NGEF: variants seen among roughly 807,000 people sequenced by gnomAD.
NGEF encodes neuronal guanine nucleotide exchange factor.
Under a neutral mutation model 80.9 loss-of-function variants are expected in NGEF, and 31 were observed. The ratio of observed to expected loss-of-function variants is 0.38; its 90% CI spans 0.29 to 0.52. NGEF has a LOEUF of 0.52. Among genes scored for constraint, NGEF ranks in the 20% least tolerant of loss-of-function variants. NGEF has a pLI of 0.84. For synonymous variants in NGEF, 371 were observed against 370.2 expected (o/e 1.00, Z -0.03); for missense variants, 709 against 926.2 (o/e 0.77, Z 3.04).
At chr2:232,927,816 CCGGGA>C in intron 3 of NGEF, 1 of 1,001,450 alleles carries the variant, frequency 1.0e-6, no homozygotes, top group Non-Finnish European at 1.3e-6. Context: ...CAGGGGGTGC[CCGGGA>C]CCCCGGGCGC....
At chr2:232,940,972 T>C (rs1424916889) in intron 3 of NGEF, among the ~76,000 whole-genome samples, 1 of 152,210 alleles carries the variant, frequency 6.6e-6, no homozygotes, top group African/African-American at 2.4e-5. Context: ...GAAAGAGTAA[T>C]TCACGCAGAG....
intron 1 of NGEF, among the ~76,000 whole-genome samples, chr2:232,991,321 G>C (rs1694645040): frequency 6.8e-6 from 1 of 147,674 alleles, no homozygotes; most frequent in Non-Finnish European, 1.5e-5. Flanking sequence ...CTTGTATATA[G>C]AAAATTCTAA....
At chr2:232,951,129 C>A (rs1693671913) in intron 3 of NGEF, among the ~76,000 whole-genome samples, 2 of 152,282 alleles carry the variant, frequency 1.3e-5, no homozygotes, top group African/African-American at 2.4e-5. Flanking sequence ...GCCACTGCCC[C>A]ATTTTGTGAG....
Position 232,954,500 on chromosome 2 carries a change from C to T in NGEF, c.383+15714G>A, listed in dbSNP as rs537931970. On this transcript the variant is annotated intron_variant, in intron 3 of 14. Coordinates refer to ENST00000264051, the MANE Select transcript of NGEF (RefSeq NM_019850.3). ...CAGCATTTTGGGAGGCTGAGGCAGG[C>T]GGATCGTGAAATCAGGAGATCGAGA... Among the ~76,000 whole-genome samples, 8 of 151,988 alleles carry T rather than the reference C, an allele frequency of 5.3e-5. No individual in the cohort carries two copies. In the East Asian group the frequency reaches 7.8e-4, roughly 15 times the overall value.
At chr2:232,985,975 G>A (rs1329212099) in intron 1 of NGEF, among the ~76,000 whole-genome samples, 1 of 151,704 alleles carries the variant, frequency 6.6e-6, no homozygotes, top group East Asian at 1.9e-4. Context: ...AAAGAATTCA[G>A]TTTATGGCAG....
At chr2:232,914,829 C>T (rs1321222502) in intron 5 of NGEF, among the ~76,000 whole-genome samples, 2 of 151,838 alleles carry the variant, frequency 1.3e-5, no homozygotes, top group African/African-American at 4.8e-5. Flanking sequence ...CCAGCCTGAC[C>T]AACATGGTGA....
At chr2:232,887,335 T>C (rs1691725630) in intron 9 of NGEF, among the ~76,000 whole-genome samples, 1 of 152,110 alleles carries the variant, frequency 6.6e-6, no homozygotes, top group Non-Finnish European at 1.5e-5. Flanking sequence ...GCAAAACCCC[T>C]GCTCTGCTGC....
intron 6 of NGEF, chr2:232,894,554 C>T (rs969929491): frequency 2.6e-5 from 12 of 468,362 alleles, no homozygotes; most frequent in African/African-American, 1.3e-4. Context: ...GAAGGGACGC[C>T]GGGGGACGTG....
intron 5 of NGEF, among the ~76,000 whole-genome samples, chr2:232,900,388 ACAGT>A (rs1413522807): frequency 1.2e-5 from 1 of 84,924 alleles, no homozygotes; most frequent in African/African-American, 4.5e-5. Context: ...ACACGCTCTC[ACAGT>A]CACTCATATA....
chr2:232,917,248 TA>T (rs1226310096), intron 5 of NGEF, among the ~76,000 whole-genome samples: 3 of 152,214 alleles, frequency 2.0e-5, no homozygotes, highest in African/African-American at 7.2e-5. Flanking sequence ...GAAAACACTG[TA>T]AAAATCTATA....
intron 5 of NGEF, among the ~76,000 whole-genome samples, chr2:232,897,623 A>C (rs1692141705): frequency 6.6e-6 from 1 of 152,170 alleles, no homozygotes; most frequent in African/African-American, 2.4e-5. Flanking sequence ...CCCCACAGAG[A>C]GTTCACATTG....
chr2:232,958,717 C>T (rs560634840), intron 3 of NGEF, among the ~76,000 whole-genome samples: 1 of 152,068 alleles, frequency 6.6e-6, no homozygotes, highest in South Asian at 2.1e-4. Flanking sequence ...TTTTAAAAAA[C>T]AAGCTTTAAA....
intron 3 of NGEF, chr2:232,928,254 C>A: frequency 1.3e-6 from 1 of 752,524 alleles, no homozygotes. Context: ...GGCGGCGGGG[C>A]GGGGGCGCCC....
chr2:232,975,663 C>T (rs950652980), intron 1 of NGEF, among the ~76,000 whole-genome samples: 6 of 152,094 alleles, frequency 3.9e-5, no homozygotes, highest in African/African-American at 1.4e-4. Flanking sequence ...CCTCCCTCCC[C>T]ACAAAGACCT....
At chr2:232,989,089 T>C (rs184397049) in intron 1 of NGEF, among the ~76,000 whole-genome samples, 1 of 152,192 alleles carries the variant, frequency 6.6e-6, no homozygotes, top group East Asian at 1.9e-4. Context: ...GGAGCCTGGA[T>C]AGTTGGGGAG....
At chr2:232,884,729 G>T (rs1316907546) in intron 10 of NGEF, among the ~76,000 whole-genome samples, 2 of 152,214 alleles carry the variant, frequency 1.3e-5, no homozygotes. Flanking sequence ...GAGCTACATG[G>T]GACGCCCAGA....
intron 5 of NGEF, among the ~76,000 whole-genome samples, chr2:232,903,832 G>C (rs1692423515): frequency 6.6e-6 from 1 of 152,064 alleles, no homozygotes; most frequent in Non-Finnish European, 1.5e-5. Flanking sequence ...GTAATTTTTT[G>C]GATAGAGGTC....
At position 232,882,226 on chromosome 2, in the gene NGEF, G is replaced by A. The variant is rs760094505; in HGVS notation, c.1797C>T (p.Asn599=). Residue 599 remains asparagine (N), a synonymous_variant, in exon 13 of 15, where the codon AAC becomes AAT. Coordinates refer to ENST00000264051, the MANE Select transcript of NGEF (RefSeq NM_019850.3). Reference sequence around the variant, plus strand: ...TGAACGAAACAAACTTGGTCCTCCTGTTGGGGGCCAGTGAGGTCATCCAAC... The same window carrying A: ...TGAACGAAACAAACTTGGTCCTCCTATTGGGGGCCAGTGAGGTCATCCAAC... The part of the protein sequence containing the change: ...MKRWMTSLAP[N]RRTKFVSFTS... 1.2e-6 allele frequency: 2 copies of A among 1,613,888 alleles called. No individual in the cohort carries two copies. The highest frequency in any genetic ancestry group is 2.2e-5 in the South Asian group (2 of 91,024).
Position 232,965,013 on chromosome 2 carries a change from A to T in NGEF, c.383+5201T>A, listed in dbSNP as rs186038061. ...ATCAAGCTACAGACCCAAGATCTGA[A>T]CATTTTATTGTAATGTAAGATGACC... On this transcript the variant is annotated intron_variant, in intron 3 of 14. Transcript: ENST00000264051. 1.7e-3 allele frequency among the ~76,000 whole-genome samples: 256 copies of T among 152,370 alleles called. 2 individuals carry two copies. In the Middle Eastern group the frequency reaches 0.017, roughly 10 times the overall value.
Sources: gnomAD v4.1 joint callset for allele counts (sites outside exome capture counted in the v4.1 genomes callset) on GRCh38, gnomAD v4.1.1 for gene constraint, MANE v1.5 for transcripts, NCBI Gene and HGNC (gene_info 2026-07-23, HGNC 2026-07-21) for gene names.